SLC2A13: variants seen among roughly 807,000 people sequenced by gnomAD.
SLC2A13 encodes the protein proton myo-inositol cotransporter.
In SLC2A13, 32 loss-of-function variants were observed where a neutral mutation model predicts 64.4. The ratio of observed to expected loss-of-function variants is 0.50; its 90% confidence interval spans 0.37 to 0.67. The LOEUF is 0.67. Ranked by LOEUF, SLC2A13 falls within the 30% of genes least tolerant of loss-of-function variation. SLC2A13 has a pLI of 0.00. For missense variants in SLC2A13, 743 were observed against 829.2 expected, an observed-to-expected ratio of 0.90 and a Z score of 1.28; for synonymous variants, 338 against 327.1, an observed-to-expected ratio of 1.03 and a Z score of -0.36.
chr12:39,811,539 T>C (rs1461162501), intron 7 of SLC2A13, among the ~76,000 whole-genome samples: 2 of 152,180 alleles, frequency 1.3e-5, no homozygotes, highest in South Asian at 2.1e-4. Context: ...CATTTTCTAA[T>C]TACCTTGTGA....
chr12:40,039,088 T>A lies in SLC2A13; in HGVS notation c.716+8963A>T, dbSNP rs574127447. Among the ~76,000 whole-genome samples, 9 of 152,304 alleles carry A rather than the reference T, an allele frequency of 5.9e-5. No individual in the cohort carries two copies. The East Asian group carries it at 1.7e-3, about 29-fold the overall frequency. On this transcript the variant is annotated intron_variant, in intron 2 of 9. Coordinates refer to ENST00000280871, the MANE Select transcript of SLC2A13 (RefSeq NM_052885.4). ...TGCTGGCTAACTGCCAGCTGATAAT[T>A]TTTGCTTCATGTATTTTGAAGCTAT... is the stretch of plus-strand genomic sequence containing the variant.
intron 7 of SLC2A13, among the ~76,000 whole-genome samples, chr12:39,777,873 T>C (rs1347335201): frequency 1.3e-5 from 2 of 152,176 alleles, no homozygotes; most frequent in African/African-American, 4.8e-5. Context: ...ATCTGATTCT[T>C]CTGGTACACA....
At chr12:39,991,746 CT>C (rs1863549944) in intron 3 of SLC2A13, among the ~76,000 whole-genome samples, 1 of 152,040 alleles carries the variant, frequency 6.6e-6, no homozygotes, top group Non-Finnish European at 1.5e-5. Flanking sequence ...ATGAAGTTGC[CT>C]AATATTCTTT....
intron 3 of SLC2A13, among the ~76,000 whole-genome samples, chr12:40,009,019 C>T (rs1346575437): frequency 6.6e-6 from 1 of 152,130 alleles, no homozygotes; most frequent in Non-Finnish European, 1.5e-5. Context: ...AGATCTGACT[C>T]AAATCAACTC....
At chr12:40,042,946 A>T (rs1413087489) in intron 2 of SLC2A13, among the ~76,000 whole-genome samples, 1 of 147,438 alleles carries the variant, frequency 6.8e-6, no homozygotes, top group Non-Finnish European at 1.5e-5. Context: ...CAGGCAAAAA[A>T]GAGCATAAGA....
At chr12:39,808,513 A>C (rs1942047894) in intron 7 of SLC2A13, among the ~76,000 whole-genome samples, 1 of 152,140 alleles carries the variant, frequency 6.6e-6, no homozygotes, top group Non-Finnish European at 1.5e-5. Context: ...CTTCAGAAGA[A>C]ACCTCCAAAC....
chr12:39,959,833 A>G (rs28370698), intron 3 of SLC2A13, among the ~76,000 whole-genome samples: 4,276 of 152,212 alleles, frequency 0.028, 191 homozygotes, highest in African/African-American at 0.094. Context: ...TTTTACTTTA[A>G]GTTCCAGGAT....
At chr12:39,916,534 T>C (rs1038274296) in intron 4 of SLC2A13, among the ~76,000 whole-genome samples, 14 of 152,102 alleles carry the variant, frequency 9.2e-5, no homozygotes, top group Non-Finnish European at 8.8e-5. Flanking sequence ...GTAAATAATA[T>C]AAACAGTGAA....
At chr12:40,090,077 C>T (rs953331897) in intron 1 of SLC2A13, among the ~76,000 whole-genome samples, 1 of 151,976 alleles carries the variant, frequency 6.6e-6, no homozygotes, top group African/African-American at 2.4e-5. Flanking sequence ...AGAAAATGTT[C>T]TTCAAATATA....
At chr12:39,945,957 C>A (rs1302714691) in intron 4 of SLC2A13, among the ~76,000 whole-genome samples, 1 of 151,904 alleles carries the variant, frequency 6.6e-6, no homozygotes, top group African/African-American at 2.4e-5. Context: ...CCATGGTTGG[C>A]CTTCTGGTTC....
At chr12:39,867,493 G>A (rs1943940218) in intron 5 of SLC2A13, among the ~76,000 whole-genome samples, 1 of 151,836 alleles carries the variant, frequency 6.6e-6, no homozygotes, top group Non-Finnish European at 1.5e-5. Flanking sequence ...AAACTGTTAA[G>A]TCCATCCAAT....
intron 1 of SLC2A13, among the ~76,000 whole-genome samples, chr12:40,098,417 G>A (rs571515371): frequency 6.6e-6 from 1 of 152,320 alleles, no homozygotes; most frequent in African/African-American, 2.4e-5. Context: ...GATGTGTTGT[G>A]CAACAATGTG....
At chr12:40,070,762 T>A (rs1238406855) in intron 1 of SLC2A13, among the ~76,000 whole-genome samples, 1 of 152,198 alleles carries the variant, frequency 6.6e-6, no homozygotes, top group African/African-American at 2.4e-5. Flanking sequence ...CCTAGTTACT[T>A]CCCTTCACCT....
At chr12:40,047,768 A>G (rs1948193350) in intron 2 of SLC2A13, among the ~76,000 whole-genome samples, 1 of 152,202 alleles carries the variant, frequency 6.6e-6, no homozygotes, top group Non-Finnish European at 1.5e-5. Flanking sequence ...CACTGCATTC[A>G]TTTTTAAACA....
intron 3 of SLC2A13, among the ~76,000 whole-genome samples, chr12:40,002,259 T>C (rs1947332342): frequency 6.6e-6 from 1 of 152,216 alleles, no homozygotes; most frequent in South Asian, 2.1e-4. Flanking sequence ...TAGTGGGTAC[T>C]TTTTCATACT....
chr12:39,896,016 A>G (rs1275326118), intron 4 of SLC2A13, among the ~76,000 whole-genome samples: 2 of 146,524 alleles, frequency 1.4e-5, no homozygotes, highest in South Asian at 2.1e-4. Flanking sequence ...ACATGTGTAT[A>G]TGTATACATA....
chr12:40,075,626 T>TA (rs1487065568), intron 1 of SLC2A13, among the ~76,000 whole-genome samples: 1 of 152,196 alleles, frequency 6.6e-6, no homozygotes, highest in Non-Finnish European at 1.5e-5. Flanking sequence ...CTTGAATCTG[T>TA]AAGTTTATGT....
At chr12:39,827,551 T>A (rs1942730374) in intron 7 of SLC2A13, among the ~76,000 whole-genome samples, 1 of 152,212 alleles carries the variant, frequency 6.6e-6, no homozygotes, top group African/African-American at 2.4e-5. Context: ...GCTTGGGGAT[T>A]TCTTTCAAGT....
chr12:39,942,402 G>C (rs536120828), intron 4 of SLC2A13, among the ~76,000 whole-genome samples: 6 of 152,210 alleles, frequency 3.9e-5, no homozygotes, highest in African/African-American at 1.4e-4. Flanking sequence ...GTGTTTTGTA[G>C]TTTTCCCTGT....
Sources: gnomAD v4.1 joint callset for allele counts (sites outside exome capture counted in the v4.1 genomes callset) on GRCh38, gnomAD v4.1.1 for gene constraint, MANE v1.5 for transcripts, NCBI Gene and HGNC (gene_info 2026-07-23, HGNC 2026-07-21) for gene names.